Variants in ACBD6 observed in about 807,000 individuals in gnomAD.
ACBD6 encodes acyl-CoA binding domain containing 6, also known as acyl-CoA-binding domain-containing protein 6.
Under a neutral mutation model 37.2 loss-of-function variants are expected in ACBD6, and 28 were observed. That is an observed-to-expected ratio of 0.75 (90% CI 0.56 to 1.03). The LOEUF (loss-of-function observed/expected upper bound fraction) is 1.03. ACBD6 is among the 50% of genes least tolerant of loss of function. The pLI is 0.00. For missense variants in ACBD6, 340 were observed against 337.4 expected (o/e 1.01, Z -0.06); for synonymous variants, 113 against 126.8 (o/e 0.89, Z 0.73).
chr1:180,412,716 A>T (rs951380426), intron 5 of ACBD6, among the ~76,000 whole-genome samples: 2 of 152,198 alleles, frequency 1.3e-5, no homozygotes, highest in East Asian at 3.9e-4. Flanking sequence ...AAATAAAAAA[A>T]TTAGCCAGGA....
intron 9 of ACBD6, chr1:180,275,923 G>A (rs976725899): frequency 3.9e-5 from 6 of 152,408 alleles, no homozygotes; most frequent in Admixed American, 2.6e-4. Flanking sequence ...GCCAACCCCC[G>A]CTTTACGAGT....
intron 1 of ACBD6, among the ~76,000 whole-genome samples, chr1:180,498,409 G>A (rs906220139): frequency 2.0e-5 from 3 of 152,278 alleles, no homozygotes; most frequent in Non-Finnish European, 4.4e-5. Flanking sequence ...AAGTAAAATT[G>A]GAAAAGAATA....
At chr1:180,285,117 C>T (rs908213138), downstream of ACBD6, among the ~76,000 whole-genome samples, 15 of 152,094 alleles carry the variant, frequency 9.9e-5, no homozygotes, top group Non-Finnish European at 1.6e-4. Flanking sequence ...GCCTAGATGA[C>T]AAGAGCGAGA....
chr1:180,337,080 G>A (rs2149303975), intron 6 of ACBD6, among the ~76,000 whole-genome samples: 1 of 152,276 alleles, frequency 6.6e-6, no homozygotes, highest in South Asian at 2.1e-4. Context: ...GAGGTACAAG[G>A]AGGAGCTGGT....
intron 3 of ACBD6, among the ~76,000 whole-genome samples, chr1:180,458,873 T>C (rs1186774718): frequency 6.6e-6 from 1 of 152,236 alleles, no homozygotes; most frequent in Non-Finnish European, 1.5e-5. Flanking sequence ...GTCATTTTCC[T>C]ATTAAACTTC....
chr1:180,486,479 C>T (rs1457697392), intron 3 of ACBD6, among the ~76,000 whole-genome samples: 1 of 152,182 alleles, frequency 6.6e-6, no homozygotes, highest in African/African-American at 2.4e-5. Context: ...AGAGTAAAAT[C>T]TCAGACCTTT....
intron 7 of ACBD6, among the ~76,000 whole-genome samples, chr1:180,301,407 GTATGT>G (rs67445263): frequency 0.29 from 43,542 of 151,744 alleles, 7,742 homozygotes; most frequent in East Asian, 0.49. Flanking sequence ...CACATATTTT[GTATGT>G]TATATGTCTT....
At chr1:180,386,294 G>C (rs1264257206) in intron 6 of ACBD6, among the ~76,000 whole-genome samples, 1 of 152,192 alleles carries the variant, frequency 6.6e-6, no homozygotes, top group African/African-American at 2.4e-5. Context: ...CCCATCATAA[G>C]TTGAGGAGCA....
chr1:180,405,673 G>T (rs548171041), intron 5 of ACBD6, among the ~76,000 whole-genome samples: 1 of 152,104 alleles, frequency 6.6e-6, no homozygotes, highest in South Asian at 2.1e-4. Context: ...ATTTAGTGTT[G>T]ATTGTATAGT....
intron 4 of ACBD6, among the ~76,000 whole-genome samples, chr1:180,418,823 C>A (rs768722774): frequency 4.6e-5 from 7 of 152,194 alleles, no homozygotes; most frequent in Non-Finnish European, 8.8e-5. Context: ...CAAATAGTAC[C>A]TCCTTTCTGA....
At chr1:180,325,076 T>A (rs981868080) in intron 6 of ACBD6, among the ~76,000 whole-genome samples, 1 of 152,130 alleles carries the variant, frequency 6.6e-6, no homozygotes, top group Non-Finnish European at 1.5e-5. Context: ...TGCCTTGAGG[T>A]AGTCTTCTTT....
At chr1:180,411,150 G>T (rs763565079) in intron 5 of ACBD6, among the ~76,000 whole-genome samples, 1 of 152,214 alleles carries the variant, frequency 6.6e-6, no homozygotes, top group Non-Finnish European at 1.5e-5. Flanking sequence ...GATAAAACTT[G>T]AACAGATGAG....
chr1:180,338,022 C>G (rs1184003504), intron 6 of ACBD6, among the ~76,000 whole-genome samples: 1 of 151,984 alleles, frequency 6.6e-6, no homozygotes, highest in East Asian at 1.9e-4. Flanking sequence ...AATGGAAGAA[C>G]AAGAGGATCC....
At chr1:180,430,084 A>C in intron 4 of ACBD6, 96 bp downstream of exon 4, 1 of 1,006,738 alleles carries the variant, frequency 9.9e-7, no homozygotes, top group Non-Finnish European at 1.5e-6. Flanking sequence ...AAAAATATAT[A>C]GTACACATAT....
intron 6 of ACBD6, among the ~76,000 whole-genome samples, chr1:180,330,445 C>CA (rs1001253751): frequency 3.3e-5 from 5 of 150,026 alleles, no homozygotes; most frequent in Admixed American, 6.6e-5. Context: ...AACAAACAAA[C>CA]AAAAAAACCA....
At chr1:180,419,672 ATT>A (rs1648271112) in intron 4 of ACBD6, among the ~76,000 whole-genome samples, 1 of 152,204 alleles carries the variant, frequency 6.6e-6, no homozygotes, top group African/African-American at 2.4e-5. Context: ...ATAAATTTTT[ATT>A]TGTGTTATAT....
chr1:180,502,289 T>C lies in ACBD6; in HGVS notation c.-23A>G. ...CATGTCTCCTTGCTCGCTCCGTCCC[T>C]CTGTGTCCGGTCTGTCCTCCTTGGA... On this transcript the variant is annotated 5_prime_UTR_variant, in exon 1 of 8. Transcript: ENST00000367595. The C allele has an allele frequency of 6.2e-7, 1 of 1,611,074 alleles. No homozygotes were observed. The highest frequency in any genetic ancestry group is 8.5e-7 in the Non-Finnish European group (1 of 1,179,460).
intron 3 of ACBD6, among the ~76,000 whole-genome samples, chr1:180,470,053 T>C (rs375121911): frequency 1.1e-4 from 16 of 152,154 alleles, no homozygotes; most frequent in African/African-American, 3.6e-4. Context: ...AATTAACCTA[T>C]TGTTCCCTTC....
At chr1:180,375,479 C>A (rs988822554) in intron 6 of ACBD6, among the ~76,000 whole-genome samples, 1 of 152,114 alleles carries the variant, frequency 6.6e-6, no homozygotes, top group Non-Finnish European at 1.5e-5. Context: ...GTGCACACCA[C>A]CATGCCTGGC....
Sources: gnomAD v4.1 joint callset for allele counts (sites outside exome capture counted in the v4.1 genomes callset) on GRCh38, gnomAD v4.1.1 for gene constraint, MANE v1.5 for transcripts, NCBI Gene and HGNC (gene_info 2026-07-23, HGNC 2026-07-21) for gene names.